HGD: variants seen among roughly 807,000 people sequenced by gnomAD.
The protein encoded by HGD is homogentisate 1,2-dioxygenase.
Under a neutral mutation model 60.8 loss-of-function variants are expected in HGD, and 61 were observed. That is an observed-to-expected ratio of 1.00 (90% CI 0.82 to 1.24). The LOEUF (loss-of-function observed/expected upper bound fraction) is 1.24, where lower values mean the gene tolerates loss of function less well. Among genes scored for constraint, HGD ranks in the 50% most tolerant of loss-of-function variants. The pLI, the probability that HGD is intolerant of heterozygous loss-of-function variation, is 0.00. For synonymous variants in HGD, 212 were observed against 187.7 expected, an observed-to-expected ratio of 1.13 and a Z score of -1.06; for missense variants, 542 against 547.1, an observed-to-expected ratio of 0.99 and a Z score of 0.09.
Position 120,659,968 on chromosome 3 carries a change from G to A in HGD, c.283-7317C>T, listed in dbSNP as rs138969342. ...TGGGGGGTGGTTGCATAATGGGGGT[G>A]GATTTCTCACGAATGGCTTAGCACT... On this transcript the variant is annotated intron_variant, in intron 4 of 13. Transcript: ENST00000283871. 6.9e-3 allele frequency among the ~76,000 whole-genome samples: 1,048 copies of A among 151,644 alleles called. 20 individuals are homozygous for A. The highest frequency in any genetic ancestry group is 0.024 in the African/African-American group (1,004 of 41,342).
rs1940987665 is a variant in HGD at position 120,641,692 on chromosome 3, T to TGTTCAGG, written c.775_776insCCTGAAC (p.Asp259AlafsTer2). 1 of 1,604,782 alleles carries TGTTCAGG rather than the reference T, an allele frequency of 6.2e-7. No individual in the cohort carries two copies. Among genetic ancestry groups the TGTTCAGG allele is most frequent in the Non-Finnish European group, 8.5e-7 (1 of 1,171,628 alleles). On this transcript the variant is annotated stop_gained and frameshift_variant and splice_region_variant, in exon 11 of 14. Coordinates refer to ENST00000283871, the MANE Select transcript of HGD (RefSeq NM_000187.4). LOFTEE classifies it high-confidence loss of function. ...GGCCACAACATTGAACGGGGAGACA[T>TGTTCAGG]CCTAAACACAAAAAGCAGGAAAGGA...
At chr3:120,679,710 G>A (rs936243933) in intron 1 of HGD, among the ~76,000 whole-genome samples, 9 of 152,090 alleles carry the variant, frequency 5.9e-5, no homozygotes, top group African/African-American at 2.2e-4. Context: ...TTTTTTTGAA[G>A]ATCGAGGAAG....
At position 120,682,196 on chromosome 3, in the gene HGD, A is replaced by T; in HGVS notation, c.-85T>A. 7.5e-7 allele frequency: 1 copy of T among 1,339,382 alleles called. No homozygotes were observed. Among genetic ancestry groups the T allele is most frequent in the Non-Finnish European group, 1.1e-6 (1 of 930,430 alleles). The allele number at this position is 1,339,382 out of a possible 1,614,324, so 83.0% of individuals were successfully genotyped here. A position where few individuals can be genotyped will look rare whatever the true frequency, so the allele number is the denominator to read the frequency against. Reference sequence around the variant, plus strand: ...ACAATGCTTCTTTCTCCTTCAAACCACTCTTTGGATATTCCGGTTCCCACT... The same window carrying T: ...ACAATGCTTCTTTCTCCTTCAAACCTCTCTTTGGATATTCCGGTTCCCACT... On this transcript the variant is annotated 5_prime_UTR_variant, in exon 1 of 14. Coordinates refer to ENST00000283871, the MANE Select transcript of HGD (RefSeq NM_000187.4).
Position 120,628,336 on chromosome 3 carries a change from A to AT in HGD, c.*43dup, listed in dbSNP as rs1940482777. ...CCAGAAAGCATGAGATTCTGAAGAA[A>AT]TCTTCACAAATCTACTCTTAATTAT... On this transcript the variant is annotated 3_prime_UTR_variant, in exon 14 of 14. Coordinates refer to ENST00000283871, the MANE Select transcript of HGD (RefSeq NM_000187.4). 1.3e-6 allele frequency: 2 copies of AT among 1,594,198 alleles called. No homozygotes were observed. Among genetic ancestry groups the AT allele is most frequent in the Non-Finnish European group, 8.6e-7 (1 of 1,162,478 alleles).
At chr3:120,664,963 T>A (rs921009449) in intron 4 of HGD, among the ~76,000 whole-genome samples, 1 of 152,154 alleles carries the variant, frequency 6.6e-6, no homozygotes, top group African/African-American at 2.4e-5. Flanking sequence ...ATATTTTCAA[T>A]AGAGTCATCT....
intron 4 of HGD, among the ~76,000 whole-genome samples, chr3:120,663,680 C>G (rs189690331): frequency 4.9e-4 from 74 of 152,130 alleles, no homozygotes; most frequent in Admixed American, 4.8e-3. Context: ...GTCTGTTGTT[C>G]CAGGCTGGGA....
At chr3:120,657,164 A>G (rs1239716582) in intron 4 of HGD, among the ~76,000 whole-genome samples, 1 of 152,200 alleles carries the variant, frequency 6.6e-6, no homozygotes, top group Non-Finnish European at 1.5e-5. Flanking sequence ...ACTGTATTCT[A>G]TGAGTTCTAT....
chr3:120,656,908 T>C (rs1304992559), intron 4 of HGD, among the ~76,000 whole-genome samples: 1 of 152,234 alleles, frequency 6.6e-6, no homozygotes, highest in Admixed American at 6.5e-5. Context: ...AAATCAAATA[T>C]TTCTAAAAGT....
At chr3:120,664,804 A>C (rs1707862440) in intron 4 of HGD, among the ~76,000 whole-genome samples, 1 of 152,204 alleles carries the variant, frequency 6.6e-6, no homozygotes, top group Non-Finnish European at 1.5e-5. Flanking sequence ...ATATATGTAC[A>C]AAAAGAAAGG....
chr3:120,642,227 C>A (rs760328983), intron 10 of HGD, among the ~76,000 whole-genome samples: 2 of 152,144 alleles, frequency 1.3e-5, no homozygotes, highest in Non-Finnish European at 2.9e-5. Context: ...CTGGTCCTGT[C>A]CTGGGGTAGA....
rs61795580 is a variant in HGD, at chr3:120,671,189, T to C, written c.177-657A>G. On this transcript the variant is annotated intron_variant, in intron 3 of 13. Transcript: ENST00000283871. Reference sequence around the variant, plus strand: ...CTTTCAGATACGTCCAGTGCATTTCTAAACAAAATTATCAGATCATTTTAA... The same window carrying C: ...CTTTCAGATACGTCCAGTGCATTTCCAAACAAAATTATCAGATCATTTTAA... Among the ~76,000 whole-genome samples the C allele has an allele frequency of 8.3e-3, 1,264 of 152,320 alleles. 7 individuals are homozygous for C. The highest frequency in any genetic ancestry group is 0.012 in the Non-Finnish European group (819 of 68,026).
intron 4 of HGD, among the ~76,000 whole-genome samples, chr3:120,658,842 A>G (rs956327309): frequency 2.0e-5 from 3 of 152,224 alleles, no homozygotes; most frequent in Non-Finnish European, 2.9e-5. Flanking sequence ...CACCACATGG[A>G]AGCTACCAAG....
chr3:120,631,354 A>G (rs543650214), intron 13 of HGD, among the ~76,000 whole-genome samples: 27 of 152,348 alleles, frequency 1.8e-4, no homozygotes, highest in Non-Finnish European at 3.7e-4. Flanking sequence ...CTGAAAGAAT[A>G]TAATTGGATT....
At chr3:120,650,909 G>A (rs1941323469) in intron 5 of HGD, 44 bp from the exon 6 acceptor site, 1 of 1,445,840 alleles carries the variant, frequency 6.9e-7, no homozygotes, top group South Asian at 1.1e-5. Context: ...TGTGAACGGT[G>A]CCCAAGAGGC....
At chr3:120,631,143 G>A (rs937756472) in intron 13 of HGD, among the ~76,000 whole-genome samples, 10 of 151,896 alleles carry the variant, frequency 6.6e-5, no homozygotes, top group South Asian at 2.1e-4. Flanking sequence ...TTTAGTACCC[G>A]AGTGATGAAA....
chr3:120,662,103 T>C (rs1177628347), intron 4 of HGD, among the ~76,000 whole-genome samples: 1 of 152,054 alleles, frequency 6.6e-6, no homozygotes, highest in Non-Finnish European at 1.5e-5. Flanking sequence ...GTGTGACTGA[T>C]AGGTAGGGGA....
chr3:120,636,083 C>A (rs1467445914), intron 12 of HGD, among the ~76,000 whole-genome samples: 1 of 134,070 alleles, frequency 7.5e-6, no homozygotes, highest in Non-Finnish European at 1.6e-5. Flanking sequence ...CCAGCCTGGG[C>A]AACATGGCAA....
intron 4 of HGD, among the ~76,000 whole-genome samples, chr3:120,656,917 G>C (rs1426501540): frequency 6.6e-6 from 1 of 152,156 alleles, no homozygotes; most frequent in African/African-American, 2.4e-5. Context: ...ATTTCTAAAA[G>C]TCCAAAGGTA....
rs199536408 is a variant in HGD, at chr3:120,646,323, C to A, written c.593G>T (p.Gly198Val). The change falls in exon 9 of 14, where the codon GGC becomes GTC. Residue 198 changes from glycine (G) to valine (V), a missense_variant. Gly to Val is a moderately radical substitution (Grantham distance 109). Coordinates refer to ENST00000283871, the MANE Select transcript of HGD (RefSeq NM_000187.4). ...FSIDVFEETR[G>V]YILEVYGVHF... ...GACACCATAGACCTCCAAGATGTAG[C>A]CCCTGGTCTCCTCAAAGACATCTAT... 1.2e-6 allele frequency: 2 copies of A among 1,613,556 alleles called. No homozygotes were observed. Among genetic ancestry groups the A allele is most frequent in the East Asian group, 2.2e-5 (1 of 44,882 alleles).
Sources: allele counts gnomAD v4.1 joint callset (sites outside exome capture counted in the v4.1 genomes callset), GRCh38; gene constraint gnomAD v4.1.1; transcripts MANE v1.5; gene names NCBI Gene and HGNC (gene_info 2026-07-23, HGNC 2026-07-21).